Variants in LYG1 observed in about 807,000 individuals in gnomAD.
LYG1 encodes the protein lysozyme g1, also known as lysozyme g-like protein 1.
LYG1 carries 17 observed loss-of-function variants against 21.7 expected under a neutral mutation model. The observed-to-expected ratio is 0.78, with a 90% CI of 0.54 to 1.18. The LOEUF (loss-of-function observed/expected upper bound fraction) is 1.18, where lower values mean the gene tolerates loss of function less well. LYG1 is among the 50% of genes most tolerant of loss of function. The pLI is 0.00. For missense variants in LYG1, 211 were observed against 238.1 expected, an observed-to-expected ratio of 0.89 and a Z score of 0.75; for synonymous variants, 81 against 87.4, an observed-to-expected ratio of 0.93 and a Z score of 0.41.
At chr2:99,287,835 A>G (rs936814217) in intron 5 of LYG1, among the ~76,000 whole-genome samples, 1 of 152,144 alleles carries the variant, frequency 6.6e-6, no homozygotes, top group Non-Finnish European at 1.5e-5. Flanking sequence ...TTAATAGATG[A>G]TATATGATCA....
rs2094152402 is a variant in LYG1 at position 99,301,085 on chromosome 2, A to G, written c.-159T>C. 7.0e-6 allele frequency: 1 copy of G among 143,198 alleles called. No individual in the cohort carries two copies. Among genetic ancestry groups the G allele is most frequent in the Non-Finnish European group, 1.5e-5 (1 of 65,920 alleles). 8.9% of individuals were successfully genotyped at this position (143,198 alleles called of 1,614,324 possible). ...TCAGTGCTCCTCCTTAGAGGTGGTG[A>G]GCCCACAGCGATTTATATAGAGTCC... On this transcript the variant is annotated 5_prime_UTR_variant, in exon 1 of 7. Coordinates refer to ENST00000308528, the MANE Select transcript of LYG1 (RefSeq NM_174898.3).
intron 6 of LYG1, 47 bp downstream of exon 6, chr2:99,284,641 C>G: frequency 6.2e-7 from 1 of 1,605,574 alleles, no homozygotes; most frequent in Non-Finnish European, 8.5e-7. Context: ...ATATTTGTCC[C>G]TATTAATTCT....
chr2:99,297,461 C>T (rs966517460), intron 2 of LYG1, among the ~76,000 whole-genome samples: 8 of 152,128 alleles, frequency 5.3e-5, no homozygotes, highest in African/African-American at 1.9e-4. Flanking sequence ...GCTGCTTTTC[C>T]AGGAAAGAAA....
rs1204717764 is a variant in LYG1, at chr2:99,284,341, G to A, written c.*52C>T. 6 of 1,526,632 alleles carry A rather than the reference G, an allele frequency of 3.9e-6. No homozygotes were observed. Among genetic ancestry groups the A allele is most frequent in the African/African-American group, 1.4e-5 (1 of 73,072 alleles). The allele number at this position is 1,526,632 out of a possible 1,614,324, so 94.6% of individuals were successfully genotyped here. A position where few individuals can be genotyped will look rare whatever the true frequency, so the allele number is the denominator to read the frequency against. ...GGTGCCCTTGGCTAGTTTTATCTGT[G>A]TAACATTTGAGGCTGCATATGTGAT... On this transcript the variant is annotated 3_prime_UTR_variant, in exon 7 of 7. Transcript: ENST00000308528.
Position 99,291,289 on chromosome 2 carries a change from G to A in LYG1, c.281C>T (p.Ser94Phe), listed in dbSNP as rs747216270. 33 of 1,613,372 alleles carry A rather than the reference G, an allele frequency of 2.0e-5. No homozygotes were observed. The highest frequency in any genetic ancestry group is 2.8e-5 in the Non-Finnish European group (33 of 1,179,634). Reference sequence around the variant, plus strand: ...GTTGACCAGAATTTTGTCACCGGGAGACTTCCTGGACAAGACACCAGCGAT... The same window carrying A: ...GTTGACCAGAATTTTGTCACCGGGAAACTTCCTGGACAAGACACCAGCGAT... Reference protein sequence around the residue: ...AVIAGVLSRKSPGDKILVNMG... With the variant: ...AVIAGVLSRKFPGDKILVNMG... Residue 94 changes from serine (S) to phenylalanine (F), a missense_variant, in exon 5 of 7, where the codon TCT becomes TTT. Ser to Phe is a radical substitution (Grantham distance 155, BLOSUM62 -2). Transcript: ENST00000308528.
chr2:99,303,040 G>T (rs2094159115), upstream of LYG1, among the ~76,000 whole-genome samples: 1 of 150,166 alleles, frequency 6.7e-6, no homozygotes, highest in Non-Finnish European at 1.5e-5. Flanking sequence ...AGAAGATTTT[G>T]TTTTTCTCTA....
At chr2:99,294,659 C>T (rs1409532362) in intron 3 of LYG1, among the ~76,000 whole-genome samples, 1 of 152,150 alleles carries the variant, frequency 6.6e-6, no homozygotes, top group Non-Finnish European at 1.5e-5. Flanking sequence ...TCTTTGTATT[C>T]CCAATGCTTA....
upstream of LYG1, among the ~76,000 whole-genome samples, chr2:99,302,219 C>T (rs2094156750): frequency 6.6e-6 from 1 of 152,154 alleles, no homozygotes; most frequent in Admixed American, 6.5e-5. Context: ...CAATGGCTTG[C>T]TTATCGGCTG....
intron 1 of LYG1, among the ~76,000 whole-genome samples, chr2:99,299,294 T>C (rs1220094897): frequency 6.7e-6 from 1 of 150,204 alleles, no homozygotes; most frequent in Non-Finnish European, 1.5e-5. Context: ...CTTTTTTTTT[T>C]TTTTTTAATC....
At position 99,284,285 on chromosome 2, in the gene LYG1, CTT is replaced by C; in HGVS notation, c.*106_*107del. ...AATGTGATTCATGTTATTTTAATGA[CTT>C]TTAGGTCAAACTCAGATTCCCAGTT... On this transcript the variant is annotated 3_prime_UTR_variant, in exon 7 of 7. Coordinates refer to ENST00000308528, the MANE Select transcript of LYG1 (RefSeq NM_174898.3). 5.5e-6 allele frequency: 5 copies of C among 911,642 alleles called. No individual in the cohort carries two copies. The highest frequency in any genetic ancestry group is 7.0e-6 in the Non-Finnish European group (4 of 574,506). 56.5% of individuals were successfully genotyped at this position (911,642 alleles called of 1,614,324 possible).
chr2:99,286,129 C>T (rs765380637), intron 5 of LYG1, among the ~76,000 whole-genome samples: 1 of 152,112 alleles, frequency 6.6e-6, no homozygotes, highest in Non-Finnish European at 1.5e-5. Flanking sequence ...CCCTGAGCCA[C>T]CCTGGGACTC....
intron 3 of LYG1, among the ~76,000 whole-genome samples, chr2:99,294,649 T>C (rs2094131134): frequency 6.6e-6 from 1 of 152,192 alleles, no homozygotes; most frequent in South Asian, 2.1e-4. Context: ...TCCTCAAAAT[T>C]CTTTGTATTC....
intron 4 of LYG1, 62 bp downstream of exon 4, chr2:99,292,474 G>T: frequency 8.1e-7 from 1 of 1,233,244 alleles, no homozygotes; most frequent in Non-Finnish European, 1.2e-6. Flanking sequence ...ACTCAGTAGC[G>T]TGAGGCATGG....
chr2:99,294,220 C>T (rs2094129726), intron 3 of LYG1, among the ~76,000 whole-genome samples: 1 of 152,196 alleles, frequency 6.6e-6, no homozygotes, highest in African/African-American at 2.4e-5. Context: ...ACCTGGTTTA[C>T]TCTGTTTAAT....
intron 2 of LYG1, among the ~76,000 whole-genome samples, chr2:99,297,564 G>A (rs1418980465): frequency 6.6e-6 from 1 of 152,176 alleles, no homozygotes; most frequent in Admixed American, 6.5e-5. Flanking sequence ...CTAAATATCT[G>A]TGTTGAGAAG....
chr2:99,304,218 G>A (rs59966115), upstream of LYG1, among the ~76,000 whole-genome samples: 8 of 151,944 alleles, frequency 5.3e-5, no homozygotes, highest in Non-Finnish European at 7.4e-5. Flanking sequence ...CCCAGTGGGA[G>A]ACAATTGAAT....
At chr2:99,297,911 C>T (rs1365397513) in intron 2 of LYG1, among the ~76,000 whole-genome samples, 2 of 152,130 alleles carry the variant, frequency 1.3e-5, no homozygotes, top group Non-Finnish European at 2.9e-5. Context: ...AAATGGGTCT[C>T]ACTATGTTGC....
In LYG1 at chr2:99,284,480, GC is replaced by G. The variant is rs1559216036; in HGVS notation, c.497del (p.Gly166AlafsTer9). The G allele has an allele frequency of 1.2e-6, 2 of 1,614,044 alleles. No individual in the cohort carries two copies. The highest frequency in any genetic ancestry group is 1.3e-5 in the African/African-American group (1 of 74,912). On this transcript the variant is annotated frameshift_variant, in exon 7 of 7. Coordinates refer to ENST00000308528, the MANE Select transcript of LYG1 (RefSeq NM_174898.3). LOFTEE classifies it high-confidence loss of function. ...GGLCAYSGGA[G>X]YVRSSQDLSC... ...TCAGGTCCTGGCTGCTTCGGACATA[GC>G]CAGCACCCCCACTGTAGGCACAGAG...
In LYG1 at chr2:99,289,277, T is replaced by C. The variant is rs539931662; in HGVS notation, c.333+1960A>G. On this transcript the variant is annotated intron_variant, in intron 5 of 6. Coordinates refer to ENST00000308528, the MANE Select transcript of LYG1 (RefSeq NM_174898.3). ...GAGTTCGAGACCAGCCTGGGCAACA[T>C]GATGAAACCCCATCTCTACAAAAAA... Among the ~76,000 whole-genome samples, 54 of 152,060 alleles carry C rather than the reference T, an allele frequency of 3.6e-4. 1 individual carries two copies. Among genetic ancestry groups the C allele is most frequent in the Non-Finnish European group, 7.4e-4 (50 of 67,978 alleles).
Sources: gnomAD v4.1 joint callset for allele counts (sites outside exome capture counted in the v4.1 genomes callset) on GRCh38, gnomAD v4.1.1 for gene constraint, MANE v1.5 for transcripts, NCBI Gene and HGNC (gene_info 2026-07-23, HGNC 2026-07-21) for gene names.